The following RASAL2 variants were observed in gnomAD, a reference collection of about 807,000 sequenced individuals.
RASAL2 encodes ras GTPase-activating protein nGAP.
RASAL2 carries 58 observed loss-of-function variants against 128.9 expected under a neutral mutation model. The observed-to-expected ratio is 0.45, with a 90% CI of 0.36 to 0.56. RASAL2 has a LOEUF of 0.56. RASAL2 is among the 20% of genes least tolerant of loss of function. The probability of loss-of-function intolerance (pLI) is 0.00; values close to 1 mark genes in which losing one functional copy is unlikely to be tolerated. For missense variants in RASAL2, 1,360 were observed against 1,601.6 expected, an observed-to-expected ratio of 0.85 and a Z score of 2.57; for synonymous variants, 561 against 580.8, an observed-to-expected ratio of 0.97 and a Z score of 0.49.
intron 5 of RASAL2, among the ~76,000 whole-genome samples, chr1:178,426,715 C>T (rs1176239718): frequency 5.3e-5 from 8 of 151,938 alleles, no homozygotes; most frequent in Admixed American, 4.6e-4. Context: ...GAAAACCAGA[C>T]GTTAGTGGAG....
intron 1 of RASAL2, among the ~76,000 whole-genome samples, chr1:178,257,301 A>G (rs1468741339): frequency 1.3e-5 from 2 of 152,150 alleles, no homozygotes; most frequent in African/African-American, 2.4e-5. Context: ...TGGAATTGCA[A>G]GCAACCCAGA....
intron 1 of RASAL2, among the ~76,000 whole-genome samples, chr1:178,189,221 A>G (rs939159227): frequency 6.6e-6 from 1 of 152,188 alleles, no homozygotes; most frequent in Non-Finnish European, 1.5e-5. Context: ...CAGTTCTTAT[A>G]TTCCTTGGTA....
chr1:178,117,995 T>G (rs1659575770), intron 1 of RASAL2, among the ~76,000 whole-genome samples: 1 of 151,842 alleles, frequency 6.6e-6, no homozygotes, highest in African/African-American at 2.4e-5. Flanking sequence ...TGAAACTCCG[T>G]CTCGACTAAA....
intron 3 of RASAL2, among the ~76,000 whole-genome samples, chr1:178,357,432 T>C (rs1301768521): frequency 1.3e-5 from 2 of 152,126 alleles, no homozygotes; most frequent in South Asian, 4.1e-4. Context: ...CTATATGTCT[T>C]TTTCTACTCT....
At chr1:178,280,239 A>G (rs1571768960) in intron 1 of RASAL2, among the ~76,000 whole-genome samples, 1 of 152,122 alleles carries the variant, frequency 6.6e-6, no homozygotes, top group Admixed American at 6.6e-5. Context: ...GTGTATATCA[A>G]CCAGAAGAAC....
At chr1:178,115,687 T>A (rs950770941) in intron 1 of RASAL2, among the ~76,000 whole-genome samples, 2 of 152,178 alleles carry the variant, frequency 1.3e-5, no homozygotes, top group Non-Finnish European at 2.9e-5. Flanking sequence ...TGATGCCTGG[T>A]ATCTTTATTT....
At chr1:178,171,799 T>A (rs983923850) in intron 1 of RASAL2, among the ~76,000 whole-genome samples, 1 of 151,996 alleles carries the variant, frequency 6.6e-6, no homozygotes, top group Non-Finnish European at 1.5e-5. Flanking sequence ...CTTATGGGAA[T>A]ATACCATGAG....
intron 6 of RASAL2, 122 bp from the exon 7 acceptor site, chr1:178,441,427 C>A (rs977001118): frequency 1.6e-6 from 1 of 628,030 alleles, no homozygotes; most frequent in Non-Finnish European, 2.8e-6. Context: ...TCCATCCATC[C>A]ATCCTAATTC....
chr1:178,303,179 G>A (rs964274123), intron 3 of RASAL2, among the ~76,000 whole-genome samples: 1 of 152,076 alleles, frequency 6.6e-6, no homozygotes, highest in Non-Finnish European at 1.5e-5. Flanking sequence ...ATTGGTGCTG[G>A]CTCAATAACA....
intron 1 of RASAL2, among the ~76,000 whole-genome samples, chr1:178,213,427 C>T (rs1019324114): frequency 2.6e-5 from 4 of 152,034 alleles, no homozygotes; most frequent in African/African-American, 9.7e-5. Context: ...AGAGTGTAGA[C>T]ATCTACCAAA....
At chr1:178,135,349 C>T (rs1660282135) in intron 1 of RASAL2, among the ~76,000 whole-genome samples, 1 of 151,984 alleles carries the variant, frequency 6.6e-6, no homozygotes, top group Non-Finnish European at 1.5e-5. Flanking sequence ...TTTCTATTTT[C>T]ATCTAATTCC....
chr1:178,345,376 G>A (rs1670097096), intron 3 of RASAL2, among the ~76,000 whole-genome samples: 1 of 152,238 alleles, frequency 6.6e-6, no homozygotes, highest in South Asian at 2.1e-4. Flanking sequence ...AATAAAGCAG[G>A]TGTCGTTCAG....
At chr1:178,165,645 A>G (rs1661494205) in intron 1 of RASAL2, among the ~76,000 whole-genome samples, 2 of 152,150 alleles carry the variant, frequency 1.3e-5, no homozygotes, top group African/African-American at 4.8e-5. Context: ...AACAGTGGAC[A>G]TGGTGATTGA....
At chr1:178,100,156 C>G (rs565847507) in intron 1 of RASAL2, among the ~76,000 whole-genome samples, 1 of 151,998 alleles carries the variant, frequency 6.6e-6, no homozygotes, top group Non-Finnish European at 1.5e-5. Flanking sequence ...CTAGAACACC[C>G]CTCTTTAAGA....
intron 5 of RASAL2, among the ~76,000 whole-genome samples, chr1:178,436,686 G>A (rs1311961437): frequency 6.6e-6 from 1 of 152,042 alleles, no homozygotes; most frequent in Non-Finnish European, 1.5e-5. Flanking sequence ...TGTATATGAA[G>A]CAAGCTAAAG....
chr1:178,134,550 G>A lies in RASAL2; in HGVS notation c.202+39856G>A, dbSNP rs940539398. Among the ~76,000 whole-genome samples the A allele has an allele frequency of 5.3e-5, 8 of 151,396 alleles. No individual in the cohort carries two copies. The South Asian group carries it at 6.2e-4, about 12-fold the overall frequency. The stretch of plus-strand genomic sequence containing the variant: ...CAATCGACATCAGTTAATCTTTTTC[G>A]TATTCTAATTGCAGGAGACCGATGA... On this transcript the variant is annotated intron_variant, in intron 1 of 17. Coordinates refer to ENST00000367649, the MANE Select transcript of RASAL2 (RefSeq NM_170692.4).
intron 1 of RASAL2, among the ~76,000 whole-genome samples, chr1:178,104,674 T>G (rs955770577): frequency 2.6e-5 from 4 of 152,222 alleles, no homozygotes; most frequent in African/African-American, 9.6e-5. Context: ...ACTTTCAATG[T>G]ATTAAAATCT....
Position 178,281,101 on chromosome 1 carries a change from AG to A in RASAL2, c.203-2462del, listed in dbSNP as rs1224160305. Among the ~76,000 whole-genome samples, 3 of 152,232 alleles carry A rather than the reference AG, an allele frequency of 2.0e-5. No individual in the cohort carries two copies. In the East Asian group the frequency reaches 5.8e-4, roughly 29 times the overall value. On this transcript the variant is annotated intron_variant, in intron 1 of 17. Transcript: ENST00000367649. ...ATAATAGAGAAGTGCTAAAAAGAACAGAAACTATCACTTTTTTTCTTGTTTT... is the reference window on the plus strand; with the variant it reads ...ATAATAGAGAAGTGCTAAAAAGAACAAAACTATCACTTTTTTTCTTGTTTT...
At chr1:178,235,618 CTG>C (rs1163575178) in intron 1 of RASAL2, among the ~76,000 whole-genome samples, 37 of 150,136 alleles carry the variant, frequency 2.5e-4, no homozygotes, top group Admixed American at 2.4e-3. Flanking sequence ...GTGTGTGTGT[CTG>C]TGTGTGTGTA....
Sources: gnomAD v4.1 joint callset for allele counts (sites outside exome capture counted in the v4.1 genomes callset) on GRCh38, gnomAD v4.1.1 for gene constraint, MANE v1.5 for transcripts, NCBI Gene and HGNC (gene_info 2026-07-23, HGNC 2026-07-21) for gene names.